Variants in FARP1 observed in about 807,000 individuals in gnomAD.
The protein encoded by FARP1 is FERM, ARHGEF and pleckstrin domain-containing protein 1.
In FARP1, 52 loss-of-function variants were observed where a neutral mutation model predicts 128.8. The ratio of observed to expected loss-of-function variants is 0.40; its 90% confidence interval spans 0.32 to 0.51. The LOEUF (loss-of-function observed/expected upper bound fraction) is 0.51. Ranked by LOEUF, FARP1 falls within the 20% of genes least tolerant of loss-of-function variation. FARP1 has a pLI of 0.45. For missense variants in FARP1, 1,333 were observed against 1,367.9 expected (o/e 0.97, Z 0.40); for synonymous variants, 580 against 551.8 (o/e 1.05, Z -0.72).
chr13:98,336,236 T>C (rs1303665446), intron 2 of FARP1, among the ~76,000 whole-genome samples: 1 of 152,100 alleles, frequency 6.6e-6, no homozygotes, highest in Non-Finnish European at 1.5e-5. Flanking sequence ...GTTGTTTCTG[T>C]TGTTGTTTTT....
Position 98,176,005 on chromosome 13 carries a change from T to C in FARP1, c.-24+32513T>C. The C allele has an allele frequency of 4.3e-6, 3 of 689,992 alleles. No homozygotes were observed. 42.7% of individuals were successfully genotyped at this position (689,992 alleles called of 1,614,324 possible). A position where few individuals can be genotyped will look rare whatever the true frequency, so the allele number is the denominator to read the frequency against. On this transcript the variant is annotated intron_variant, in intron 1 of 26. Transcript: ENST00000319562. The surrounding 1 kb of genome is among the most constrained non-coding windows in gnomAD (Gnocchi z 6.2). ...TACACCTCTTGGCTTTTGCAAATAATTCTGCAGTGAACATGGGAGTGCACA... is the reference window on the plus strand; with the variant it reads ...TACACCTCTTGGCTTTTGCAAATAACTCTGCAGTGAACATGGGAGTGCACA...
chr13:98,202,746 G>A (rs1880029552), intron 1 of FARP1, among the ~76,000 whole-genome samples: 1 of 151,760 alleles, frequency 6.6e-6, no homozygotes, highest in Admixed American at 6.6e-5. Context: ...AAGAGATAGG[G>A]TCTTGCTTTG....
At chr13:98,322,123 C>T (rs1046724432) in intron 2 of FARP1, among the ~76,000 whole-genome samples, 5 of 152,186 alleles carry the variant, frequency 3.3e-5, no homozygotes, top group African/African-American at 1.2e-4. Context: ...TGTGGTGAAA[C>T]CCTGTCTCTA....
At chr13:98,207,362 T>C (rs1364214943) in intron 1 of FARP1, among the ~76,000 whole-genome samples, 1 of 152,108 alleles carries the variant, frequency 6.6e-6, no homozygotes, top group Non-Finnish European at 1.5e-5. Context: ...GTGCTAAAAA[T>C]TAGAATATAT....
intron 2 of FARP1, among the ~76,000 whole-genome samples, chr13:98,258,577 G>A (rs977811801): frequency 6.6e-6 from 1 of 152,126 alleles, no homozygotes; most frequent in African/African-American, 2.4e-5. Flanking sequence ...AAATCAGTTG[G>A]GTGCTGTCAC....
intron 2 of FARP1, among the ~76,000 whole-genome samples, chr13:98,230,815 T>G (rs1010174261): frequency 6.6e-6 from 1 of 152,152 alleles, no homozygotes; most frequent in African/African-American, 2.4e-5. Flanking sequence ...AGCAGGTGTA[T>G]TAGTCTGTTC....
In FARP1 at chr13:98,176,975, C is replaced by G; in HGVS notation, c.-24+33483C>G. 1.2e-6 allele frequency: 2 copies of G among 1,600,228 alleles called. No homozygotes were observed. Among genetic ancestry groups the G allele is most frequent in the Non-Finnish European group, 8.5e-7 (1 of 1,179,756 alleles). ...GACCTGTACACCACGTCGAGGCTCT[C>G]AGGCGCCGCCTCCTCGCCCCTCCTG... On this transcript the variant is annotated intron_variant, in intron 1 of 26. Coordinates refer to ENST00000319562, the MANE Select transcript of FARP1 (RefSeq NM_005766.4). This position sits in a 1 kb window ranked among gnomAD's most constrained non-coding sequence, Gnocchi z 6.2.
Position 98,431,187 on chromosome 13 carries a change from C to T in FARP1, c.2050C>T (p.Arg684Trp), listed in dbSNP as rs370311912. 9 of 1,613,030 alleles carry T rather than the reference C, an allele frequency of 5.6e-6. No individual in the cohort carries two copies. Among genetic ancestry groups the T allele is most frequent in the South Asian group, 3.3e-5 (3 of 90,924 alleles). Residue 684 changes from arginine (R) to tryptophan (W), a missense_variant, in exon 18 of 27, where the codon CGG (arginine) becomes TGG (tryptophan). Arg to Trp is a moderately radical substitution (Grantham distance 101). Transcript: ENST00000319562. ...CYLPLNTFLLRPLHRLMHYKQ... is the reference protein window; with the variant it reads ...CYLPLNTFLLWPLHRLMHYKQ... ...CCTACCGCTCAACACCTTCCTCCTG[C>T]GGCCACTGCACCGGCTCATGCACTA... is the stretch of plus-strand genomic sequence containing the variant.
intron 2 of FARP1, among the ~76,000 whole-genome samples, chr13:98,267,314 C>T (rs1373370555): frequency 1.3e-5 from 2 of 152,184 alleles, no homozygotes; most frequent in Non-Finnish European, 2.9e-5. Context: ...GCCTCTGCAC[C>T]TCTGTCTGGT....
intron 1 of FARP1, chr13:98,208,554 T>G (rs147240207): frequency 1.3e-5 from 2 of 152,192 alleles, no homozygotes; most frequent in African/African-American, 4.8e-5. Flanking sequence ...AGACAGACAG[T>G]GTTAGCTCCA....
intron 2 of FARP1, 47 bp from the exon 3 acceptor site, chr13:98,343,715 T>C: frequency 7.5e-7 from 1 of 1,340,994 alleles, no homozygotes; most frequent in South Asian, 1.2e-5. Flanking sequence ...TGGTTTGTTT[T>C]CATCCGTGCC....
chr13:98,248,431 A>G (rs1256898373), intron 2 of FARP1, among the ~76,000 whole-genome samples: 1 of 152,172 alleles, frequency 6.6e-6, no homozygotes, highest in Admixed American at 6.5e-5. Flanking sequence ...ATAATACAGT[A>G]TCCTTTTATA....
chr13:98,193,345 T>A (rs986398002), intron 1 of FARP1, among the ~76,000 whole-genome samples: 1 of 152,180 alleles, frequency 6.6e-6, no homozygotes, highest in African/African-American at 2.4e-5. Context: ...CGTGAGCCAC[T>A]ACGCCCAGCC....
rs762126916 is a variant in FARP1, at chr13:98,440,032, C to G, written c.2505C>G (p.Ile835Met). 2 of 1,606,710 alleles carry G rather than the reference C, an allele frequency of 1.2e-6. No homozygotes were observed. Among genetic ancestry groups the G allele is most frequent in the Non-Finnish European group, 1.7e-6 (2 of 1,174,556 alleles). Reference sequence around the variant, plus strand: ...TCCGGGGCCAGCGGCAGTCCATCATCGTGGCCGCCAGGTAACTCGGGAGCC... The same window carrying G: ...TCCGGGGCCAGCGGCAGTCCATCATGGTGGCCGCCAGGTAACTCGGGAGCC... ...LTLRGQRQSI[I>M]VAASSRSEME... Residue 835 changes from isoleucine (I) to methionine (M), a missense_variant, in exon 22 of 27, where the codon ATC becomes ATG. By Grantham distance (10) the Ile-to-Met change is conservative. Coordinates refer to ENST00000319562, the MANE Select transcript of FARP1 (RefSeq NM_005766.4).
chr13:98,238,794 A>G (rs547599732), intron 2 of FARP1, among the ~76,000 whole-genome samples: 20 of 152,320 alleles, frequency 1.3e-4, no homozygotes, highest in East Asian at 9.7e-4. Context: ...AAACCATATC[A>G]TTGACTGGCT....
intron 2 of FARP1, among the ~76,000 whole-genome samples, chr13:98,264,129 C>T (rs1308353784): frequency 6.6e-6 from 1 of 152,182 alleles, no homozygotes; most frequent in Non-Finnish European, 1.5e-5. Context: ...ATGTGCTAAC[C>T]TGCAAAACGG....
In FARP1 at chr13:98,343,429, CTG is replaced by C. The variant is rs71749881; in HGVS notation, c.172-329_172-328del. On this transcript the variant is annotated intron_variant, in intron 2 of 26. Coordinates refer to ENST00000319562, the MANE Select transcript of FARP1 (RefSeq NM_005766.4). Reference sequence around the variant, plus strand: ...TACCACCAAGGTTAATAACGGGACACTGTGTAGCGCGAAGAAGTTTTTGCTCA... The same window carrying C: ...TACCACCAAGGTTAATAACGGGACACTGTAGCGCGAAGAAGTTTTTGCTCA... Among the ~76,000 whole-genome samples, 956 of 152,286 alleles carry C rather than the reference CTG, an allele frequency of 6.3e-3. 16 individuals carry two copies. The highest frequency in any genetic ancestry group is 0.021 in the African/African-American group (857 of 41,528).
intron 6 of FARP1, chr13:98,383,509 C>T (rs1889970222): frequency 6.6e-6 from 1 of 152,208 alleles, no homozygotes; most frequent in Non-Finnish European, 1.5e-5. Flanking sequence ...AGGCCATGTC[C>T]TGCTTGATTG....
intron 1 of FARP1, among the ~76,000 whole-genome samples, chr13:98,195,791 C>G (rs568054150): frequency 2.0e-5 from 3 of 152,256 alleles, no homozygotes; most frequent in South Asian, 4.2e-4. Context: ...CTTTGGGAAG[C>G]CAAGATGGAA....
Sources: gnomAD v4.1 joint callset for allele counts (sites outside exome capture counted in the v4.1 genomes callset) on GRCh38, gnomAD v4.1.1 for gene constraint, Gnocchi (gnomAD v3.1) non-coding constraint, MANE v1.5 for transcripts, NCBI Gene and HGNC (gene_info 2026-07-23, HGNC 2026-07-21) for gene names.